The following CHLSN variants were observed in gnomAD, a reference collection of about 807,000 sequenced individuals.
CHLSN encodes the protein protein cholesin.
the CHLSN span, among the ~76,000 whole-genome samples, chr7:983,849 G>A: frequency 6.6e-6 from 1 of 152,376 alleles, no homozygotes; most frequent in Middle Eastern, 3.4e-3. Context: ...GGGCAGGGAT[G>A]CTGAGGACAG....
the CHLSN span, among the ~76,000 whole-genome samples, chr7:1,034,312 GAACA>G: frequency 6.6e-6 from 1 of 151,568 alleles, no homozygotes; most frequent in Non-Finnish European, 1.5e-5. Flanking sequence ...TTAATGGACA[GAACA>G]GACAGCAGAG....
chr7:1,040,365 C>T, the CHLSN span, among the ~76,000 whole-genome samples: 15 of 151,922 alleles, frequency 9.9e-5, no homozygotes, highest in South Asian at 2.1e-4. Flanking sequence ...CATGGTGGCA[C>T]GCACCTGTAC....
chr7:1,129,508 C>G, the CHLSN span, among the ~76,000 whole-genome samples: 1 of 151,980 alleles, frequency 6.6e-6, no homozygotes, highest in Non-Finnish European at 1.5e-5. Flanking sequence ...TGCAGTGGCA[C>G]AATCTCGGCT....
At chr7:998,552 C>T in the CHLSN span, among the ~76,000 whole-genome samples, 22 of 136,530 alleles carry the variant, frequency 1.6e-4, no homozygotes, top group African/African-American at 5.4e-4. Flanking sequence ...TCAAGTAATT[C>T]TCCTGCCTCA....
At chr7:1,086,561 C>CT in the CHLSN span, among the ~76,000 whole-genome samples, 1 of 152,218 alleles carries the variant, frequency 6.6e-6, no homozygotes, top group Non-Finnish European at 1.5e-5. Flanking sequence ...ATCTGAAAGA[C>CT]TTTAAATTGC....
the CHLSN span, among the ~76,000 whole-genome samples, chr7:1,096,934 G>T: frequency 3.9e-5 from 6 of 152,128 alleles, no homozygotes; most frequent in Admixed American, 1.3e-4. The surrounding 1 kb of genome is among the most constrained non-coding windows in gnomAD (Gnocchi z 4.6). Context: ...TTCTGTGGCG[G>T]GGTGGGAAGC....
At chr7:1,110,601 G>A in the CHLSN span, among the ~76,000 whole-genome samples, 4 of 152,230 alleles carry the variant, frequency 2.6e-5, no homozygotes. Flanking sequence ...GCCGCATCCC[G>A]AGGGAGCAGA....
At chr7:1,012,783 C>T in the CHLSN span, among the ~76,000 whole-genome samples, 7 of 152,328 alleles carry the variant, frequency 4.6e-5, no homozygotes, top group South Asian at 2.1e-4. Flanking sequence ...TGGGGGTGCC[C>T]GGCTCCACTC....
chr7:991,280 A>G, the CHLSN span, among the ~76,000 whole-genome samples: 1 of 151,924 alleles, frequency 6.6e-6, no homozygotes, highest in African/African-American at 2.4e-5. Context: ...CGCTCGCCCG[A>G]CTCACGCGAC....
At chr7:1,096,230 G>C in the CHLSN span, among the ~76,000 whole-genome samples, 4 of 152,222 alleles carry the variant, frequency 2.6e-5, no homozygotes, top group African/African-American at 7.2e-5. This position sits in a 1 kb window ranked among gnomAD's most constrained non-coding sequence, Gnocchi z 4.6. Context: ...GCTCTGGGCA[G>C]ACAGAGCTGA....
the CHLSN span, among the ~76,000 whole-genome samples, chr7:1,051,114 C>T: frequency 6.6e-6 from 1 of 152,228 alleles, no homozygotes; most frequent in African/African-American, 2.4e-5. Context: ...TTCTCGGAGG[C>T]TTCATACAGC....
the CHLSN span, among the ~76,000 whole-genome samples, chr7:1,037,317 C>A: frequency 1.3e-4 from 18 of 136,664 alleles, no homozygotes; most frequent in Admixed American, 5.1e-4. Context: ...CGAAGCTGGA[C>A]TGTACTGCTG....
At chr7:1,047,145 A>G in the CHLSN span, among the ~76,000 whole-genome samples, 2 of 152,240 alleles carry the variant, frequency 1.3e-5, no homozygotes, top group Non-Finnish European at 2.9e-5. Context: ...CCAAGTAAAC[A>G]AAAGAATGCT....
chr7:1,035,263 A>G, the CHLSN span, among the ~76,000 whole-genome samples: 248 of 152,044 alleles, frequency 1.6e-3, no homozygotes, highest in African/African-American at 5.0e-3. Flanking sequence ...TGTCTTTGCT[A>G]TTGTGAACAG....
At chr7:1,010,670 G>A in the CHLSN span, among the ~76,000 whole-genome samples, 10 of 152,292 alleles carry the variant, frequency 6.6e-5, no homozygotes, top group South Asian at 1.9e-3. Flanking sequence ...GACCCCCAAG[G>A]GAGGGAGAGG....
the CHLSN span, among the ~76,000 whole-genome samples, chr7:1,118,579 C>CA: frequency 6.6e-6 from 1 of 151,636 alleles, no homozygotes; most frequent in African/African-American, 2.4e-5. Flanking sequence ...CAATAAGTCG[C>CA]AAAAAAATGT....
the CHLSN span, chr7:1,059,099 C>G: frequency 5.8e-6 from 1 of 171,576 alleles, no homozygotes; most frequent in East Asian, 1.9e-4. Context: ...TGGAGCTATT[C>G]AATAGCAGTG....
chr7:1,093,387 A>C, the CHLSN span: 9 of 445,452 alleles, frequency 2.0e-5, no homozygotes, highest in South Asian at 1.1e-4. Flanking sequence ...CGCCGAGTTA[A>C]AGAGGAGAAG....
At chr7:1,095,470 C>T in the CHLSN span, among the ~76,000 whole-genome samples, 4 of 152,322 alleles carry the variant, frequency 2.6e-5, no homozygotes, top group Middle Eastern at 6.8e-3. Flanking sequence ...GGGGTGGGTG[C>T]TCTACCACCA....
Sources: allele counts gnomAD v4.1 joint callset (sites outside exome capture counted in the v4.1 genomes callset), GRCh38; gene constraint gnomAD v4.1.1; non-coding constraint Gnocchi (gnomAD v3.1); transcripts MANE v1.5; gene names NCBI Gene and HGNC (gene_info 2026-07-23, HGNC 2026-07-21).